Variants in ZDHHC17 observed in about 807,000 individuals in gnomAD.
The protein encoded by ZDHHC17 is zDHHC palmitoyltransferase 17.
ZDHHC17 carries 40 observed loss-of-function variants against 90.3 expected under a neutral mutation model. The observed-to-expected ratio is 0.44, with a 90% CI of 0.34 to 0.58. The LOEUF (loss-of-function observed/expected upper bound fraction) is 0.58. Among genes scored for constraint, ZDHHC17 ranks in the 20% least tolerant of loss-of-function variants. ZDHHC17 has a pLI of 0.01. For missense variants in ZDHHC17, 614 were observed against 780.8 expected (o/e 0.79, Z 2.55); for synonymous variants, 235 against 252.4 (o/e 0.93, Z 0.65).
intron 1 of ZDHHC17, among the ~76,000 whole-genome samples, chr12:76,769,383 G>T (rs1399027339): frequency 6.6e-6 from 1 of 152,036 alleles, no homozygotes; most frequent in African/African-American, 2.4e-5. Context: ...TTAGTGAAAA[G>T]AATTTTGCCA....
intron 10 of ZDHHC17, among the ~76,000 whole-genome samples, chr12:76,831,745 C>T (rs12311275): frequency 0.014 from 2,105 of 152,256 alleles, 47 homozygotes; most frequent in African/African-American, 0.048. Context: ...CTCCCAGGCT[C>T]AGGTGATCCT....
At chr12:76,794,648 G>A (rs1952798243) in intron 1 of ZDHHC17, among the ~76,000 whole-genome samples, 1 of 151,994 alleles carries the variant, frequency 6.6e-6, no homozygotes, top group Non-Finnish European at 1.5e-5. Flanking sequence ...GCACAAAACA[G>A]ATACTTACAT....
At chr12:76,792,086 G>T (rs1952765702) in intron 1 of ZDHHC17, among the ~76,000 whole-genome samples, 1 of 152,106 alleles carries the variant, frequency 6.6e-6, no homozygotes, top group Non-Finnish European at 1.5e-5. Flanking sequence ...CTTTCTGGAG[G>T]TCAGTAAGAA....
intron 13 of ZDHHC17, among the ~76,000 whole-genome samples, chr12:76,846,014 A>G (rs957226024): frequency 1.1e-4 from 17 of 152,254 alleles, no homozygotes; most frequent in African/African-American, 3.6e-4. Context: ...TGTCAGTTCT[A>G]TCTGGTGCCT....
At chr12:76,791,507 A>G (rs1370805532) in intron 1 of ZDHHC17, among the ~76,000 whole-genome samples, 1 of 152,096 alleles carries the variant, frequency 6.6e-6, no homozygotes, top group Admixed American at 6.6e-5. Flanking sequence ...ATTTTGTTTT[A>G]AGAAGGTTCG....
intron 10 of ZDHHC17, among the ~76,000 whole-genome samples, chr12:76,836,395 C>T (rs1953363364): frequency 6.6e-6 from 1 of 151,658 alleles, no homozygotes; most frequent in Non-Finnish European, 1.5e-5. Flanking sequence ...AAATGTGCTA[C>T]ATTCTCTCTT....
At chr12:76,831,238 TATC>T (rs1196152610) in intron 10 of ZDHHC17, among the ~76,000 whole-genome samples, 3 of 152,240 alleles carry the variant, frequency 2.0e-5, no homozygotes, top group Non-Finnish European at 2.9e-5. Context: ...AAGTGCACCT[TATC>T]ATTTCTGATG....
At chr12:76,813,134 CAACT>C (rs1953045446) in intron 5 of ZDHHC17, among the ~76,000 whole-genome samples, 1 of 151,900 alleles carries the variant, frequency 6.6e-6, no homozygotes, top group Non-Finnish European at 1.5e-5. Flanking sequence ...TATGAAAACA[CAACT>C]AAGAAGAAGG....
intron 13 of ZDHHC17, among the ~76,000 whole-genome samples, 186 bp downstream of exon 13, chr12:76,845,988 G>A (rs1953491019): frequency 1.3e-5 from 2 of 152,136 alleles, no homozygotes; most frequent in Non-Finnish European, 2.9e-5. Context: ...AAAATTAGTG[G>A]CTGATACCTT....
chr12:76,850,859 A>G lies in ZDHHC17; in HGVS notation c.1773A>G (p.Val591=), dbSNP rs1337353905. ...SIESPFNHGC[V]RNIIDFFEFR... ...GTGCTGTTTTTAGCCATGGATGTGT[A>G]AGAAATATTATAGACTTCTTTGAAT... The change falls in exon 17 of 17, where the codon GTA becomes GTG. Residue 591 remains valine, a synonymous_variant. Transcript: ENST00000426126. 1.2e-6 allele frequency: 2 copies of G among 1,613,792 alleles called. No homozygotes were observed. Among genetic ancestry groups the G allele is most frequent in the Admixed American group, 1.7e-5 (1 of 59,996 alleles).
chr12:76,832,673 A>T (rs537306931), intron 10 of ZDHHC17, among the ~76,000 whole-genome samples: 3 of 152,274 alleles, frequency 2.0e-5, no homozygotes, highest in Non-Finnish European at 2.9e-5. Context: ...TAACACATGT[A>T]TTTTTTCTGT....
rs917851990 is a variant in ZDHHC17, at chr12:76,851,647, A to G, written c.*662A>G. 6.5e-6 allele frequency: 1 copy of G among 152,708 alleles called. No individual in the cohort carries two copies. 9.5% of individuals were successfully genotyped at this position (152,708 alleles called of 1,614,324 possible). A position where few individuals can be genotyped will look rare whatever the true frequency, so the allele number is the denominator to read the frequency against. ...TGTAGTAACCTTACTCTGAGGTTTT[A>G]CGGTCTGATAATGAAGCACTTGCAT... On this transcript the variant is annotated 3_prime_UTR_variant, in exon 17 of 17. Transcript: ENST00000426126.
At chr12:76,787,712 CA>C (rs1366140395) in intron 1 of ZDHHC17, among the ~76,000 whole-genome samples, 1 of 151,866 alleles carries the variant, frequency 6.6e-6, no homozygotes, top group Non-Finnish European at 1.5e-5. Context: ...TATCTAAAAT[CA>C]GAGATGATAT....
chr12:76,775,673 G>A (rs1003995907), intron 1 of ZDHHC17, among the ~76,000 whole-genome samples: 57 of 152,026 alleles, frequency 3.7e-4, no homozygotes, highest in Admixed American at 2.0e-4. Flanking sequence ...ATAATCAATA[G>A]CATCTTTTGA....
chr12:76,848,497 T>G (rs916636409), intron 15 of ZDHHC17, 107 bp downstream of exon 15: 1 of 1,201,668 alleles, frequency 8.3e-7, no homozygotes. Flanking sequence ...CTTCAAATAT[T>G]CATTTTATTT....
At chr12:76,803,604 T>G (rs935792960) in intron 2 of ZDHHC17, among the ~76,000 whole-genome samples, 2 of 152,216 alleles carry the variant, frequency 1.3e-5, no homozygotes, top group African/African-American at 4.8e-5. Flanking sequence ...CCGGGACTTG[T>G]GCTTTAGTCC....
intron 15 of ZDHHC17, 149 bp downstream of exon 15, chr12:76,848,539 T>G: frequency 1.1e-6 from 1 of 931,474 alleles, no homozygotes; most frequent in Admixed American, 3.1e-5. Flanking sequence ...ACCTCACTCT[T>G]TTGCCCCTTC....
chr12:76,788,691 T>A lies in ZDHHC17; in HGVS notation c.94-8743T>A, dbSNP rs1188933579. Among the ~76,000 whole-genome samples the A allele has an allele frequency of 1.4e-3, 174 of 122,290 alleles. 15 individuals are homozygous for A. The highest frequency in any genetic ancestry group is 1.6e-3 in the Non-Finnish European group (96 of 58,898). 80.2% of individuals were successfully genotyped at this position (122,290 alleles called of 152,430 possible). On this transcript the variant is annotated intron_variant, in intron 1 of 16. Coordinates refer to ENST00000426126, the MANE Select transcript of ZDHHC17 (RefSeq NM_015336.4). ...ATATATTTAAGTTGGAATCGCAATT[T>A]TTTTTTTTTTTTTTTTTTTTTTTGA...
In ZDHHC17 at chr12:76,853,332, G is replaced by A. The variant is rs1387826950; in HGVS notation, c.*2347G>A. On this transcript the variant is annotated 3_prime_UTR_variant, in exon 17 of 17. Coordinates refer to ENST00000426126, the MANE Select transcript of ZDHHC17 (RefSeq NM_015336.4). The stretch of plus-strand genomic sequence containing the variant: ...ACTATAAACCCAGTTCTAAAGTTGT[G>A]TATGATGGTGAACCTTTGGGAATAG... The A allele has an allele frequency of 2.0e-5, 3 of 152,534 alleles. No homozygotes were observed. Among genetic ancestry groups the A allele is most frequent in the Non-Finnish European group, 2.9e-5 (2 of 67,986 alleles). The allele number at this position is 152,534 out of a possible 1,614,324, so 9.4% of individuals were successfully genotyped here.
Sources: allele counts gnomAD v4.1 joint callset (sites outside exome capture counted in the v4.1 genomes callset), GRCh38; gene constraint gnomAD v4.1.1; transcripts MANE v1.5; gene names NCBI Gene and HGNC (gene_info 2026-07-23, HGNC 2026-07-21).